Variants in PHACTR1 observed in about 807,000 individuals in gnomAD.
PHACTR1 encodes the protein phosphatase and actin regulator 1.
A neutral mutation model predicts 69.2 loss-of-function variants in PHACTR1; 16 were observed. The ratio of observed to expected loss-of-function variants is 0.23; its 90% CI spans 0.16 to 0.35. The LOEUF is 0.35. PHACTR1 is among the 10% of genes least tolerant of loss of function. The probability of loss-of-function intolerance (pLI) is 1.00; values close to 1 mark genes in which losing one functional copy is unlikely to be tolerated. For synonymous variants in PHACTR1, 312 were observed against 284.5 expected (o/e 1.10, Z -0.97); for missense variants, 510 against 734.7 (o/e 0.69, Z 3.54).
chr6:12,860,252 C>T (rs977777232), intron 4 of PHACTR1, among the ~76,000 whole-genome samples: 4 of 151,976 alleles, frequency 2.6e-5, no homozygotes, highest in Non-Finnish European at 4.4e-5. Context: ...TGTGGTGTTT[C>T]GTTTTCTGTT....
intron 4 of PHACTR1, among the ~76,000 whole-genome samples, chr6:12,839,088 C>A (rs149213566): frequency 6.6e-6 from 1 of 152,190 alleles, no homozygotes; most frequent in Admixed American, 6.5e-5. Flanking sequence ...AATGTAGAAA[C>A]GGCCTTAGAG....
intron 4 of PHACTR1, among the ~76,000 whole-genome samples, chr6:12,907,250 A>T (rs549734156): frequency 6.6e-6 from 1 of 152,224 alleles, no homozygotes; most frequent in Non-Finnish European, 1.5e-5. Flanking sequence ...TTACTAGTGC[A>T]TCAGAAAAAT....
chr6:12,951,831 G>A (rs750438437), intron 4 of PHACTR1, among the ~76,000 whole-genome samples: 3 of 152,134 alleles, frequency 2.0e-5, no homozygotes, highest in Non-Finnish European at 2.9e-5. Flanking sequence ...GTGAAAATAC[G>A]TATTTATTAT....
intron 4 of PHACTR1, among the ~76,000 whole-genome samples, chr6:12,979,681 G>A (rs763575751): frequency 2.0e-5 from 3 of 150,270 alleles, no homozygotes; most frequent in Non-Finnish European, 1.5e-5. Context: ...GTATGCGGAG[G>A]ACCTCCAATG....
At chr6:12,791,783 G>A (rs1425137108) in intron 4 of PHACTR1, among the ~76,000 whole-genome samples, 2 of 152,144 alleles carry the variant, frequency 1.3e-5, no homozygotes, top group Non-Finnish European at 2.9e-5. Flanking sequence ...GTGAATGCTT[G>A]CTGATCACCT....
In PHACTR1 at chr6:13,003,950, C is replaced by CATATATATATATATATATA. The variant is rs1562119669; in HGVS notation, c.251-49415_251-49414insATATATATATATATATATA. The stretch of plus-strand genomic sequence containing the variant: ...TCTTTTTTTATGGCTCAGTAGTATT[C>CATATATATATATATATATA]CTATATATATATATGTATATATATA... On this transcript the variant is annotated intron_variant, in intron 4 of 14. Transcript: ENST00000332995. Among the ~76,000 whole-genome samples the CATATATATATATATATATA allele has an allele frequency of 4.5e-4, 37 of 81,360 alleles. 1 individual carries two copies. Among genetic ancestry groups the CATATATATATATATATATA allele is most frequent in the Middle Eastern group, 6.8e-3 (1 of 148 alleles). 53.4% of individuals were successfully genotyped at this position (81,360 alleles called of 152,430 possible).
chr6:13,272,918 A>G lies in PHACTR1; in HGVS notation c.1447+3A>G. ...GGAACAGAGGAACATTTTGAAACGTAAGTGACTAAGCCCATGGCAATCCCT... is the reference window on the plus strand; with the variant it reads ...GGAACAGAGGAACATTTTGAAACGTGAGTGACTAAGCCCATGGCAATCCCT... On this transcript the variant is annotated splice_donor_region_variant and intron_variant, in intron 11 of 14. Transcript: ENST00000332995. 6.2e-7 allele frequency: 1 copy of G among 1,614,064 alleles called. No individual in the cohort carries two copies. Among genetic ancestry groups the G allele is most frequent in the Non-Finnish European group, 8.5e-7 (1 of 1,179,898 alleles).
intron 4 of PHACTR1, among the ~76,000 whole-genome samples, chr6:12,864,851 AG>A (rs1241253043): frequency 6.6e-6 from 1 of 152,164 alleles, no homozygotes; most frequent in Non-Finnish European, 1.5e-5. Flanking sequence ...TTTCTTCAGT[AG>A]CTTAAAGGAT....
intron 4 of PHACTR1, among the ~76,000 whole-genome samples, chr6:12,825,174 G>A (rs1370354920): frequency 6.6e-6 from 1 of 152,076 alleles, no homozygotes; most frequent in African/African-American, 2.4e-5. Context: ...TTAGCTGAGT[G>A]TGGTGGTGTG....
At chr6:13,122,687 A>G (rs1818918134) in intron 5 of PHACTR1, among the ~76,000 whole-genome samples, 1 of 152,204 alleles carries the variant, frequency 6.6e-6, no homozygotes, top group South Asian at 2.1e-4. Context: ...TTTTATTTTT[A>G]AAGAGAATTC....
chr6:13,213,490 G>A (rs530896420), intron 8 of PHACTR1, among the ~76,000 whole-genome samples: 1 of 152,140 alleles, frequency 6.6e-6, no homozygotes, highest in Non-Finnish European at 1.5e-5. Flanking sequence ...GTGTTTCTCT[G>A]TATATTCTCT....
intron 5 of PHACTR1, among the ~76,000 whole-genome samples, chr6:13,125,802 C>T (rs1008479028): frequency 2.6e-5 from 4 of 152,072 alleles, no homozygotes; most frequent in Non-Finnish European, 5.9e-5. Context: ...TGGTGGTGCA[C>T]ACCTATAGTC....
chr6:12,887,796 C>G (rs967715057), intron 4 of PHACTR1, among the ~76,000 whole-genome samples: 4 of 151,960 alleles, frequency 2.6e-5, no homozygotes, highest in Non-Finnish European at 4.4e-5. Flanking sequence ...TGGCCAGGCA[C>G]GGTGTCTCAC....
intron 4 of PHACTR1, among the ~76,000 whole-genome samples, chr6:12,851,029 C>T (rs907018121): frequency 1.5e-4 from 23 of 152,140 alleles, no homozygotes; most frequent in African/African-American, 5.6e-4. Context: ...TTTTCATACA[C>T]CTATGTAGTA....
At chr6:13,281,303 C>CAA in intron 12 of PHACTR1, 1 of 372,230 alleles carries the variant, frequency 2.7e-6, no homozygotes, top group Non-Finnish European at 5.1e-6. Context: ...TCTGTAATCC[C>CAA]AGCACTTTGG....
chr6:13,102,164 C>T (rs918046675), intron 5 of PHACTR1, among the ~76,000 whole-genome samples: 11 of 152,184 alleles, frequency 7.2e-5, no homozygotes, highest in African/African-American at 2.4e-4. Context: ...TCCCAGAGGG[C>T]AAAGGAGTTG....
intron 4 of PHACTR1, among the ~76,000 whole-genome samples, chr6:12,914,562 C>T (rs977532023): frequency 2.0e-5 from 3 of 152,110 alleles, no homozygotes; most frequent in Non-Finnish European, 4.4e-5. Context: ...GCCTGGAGGT[C>T]CTACACACAC....
chr6:12,849,450 T>C (rs1779617296), intron 4 of PHACTR1, among the ~76,000 whole-genome samples: 1 of 152,088 alleles, frequency 6.6e-6, no homozygotes, highest in African/African-American at 2.4e-5. Context: ...CAGGCCGAAC[T>C]CTTTGGAGAC....
At chr6:12,781,114 T>G (rs1169605999) in intron 4 of PHACTR1, among the ~76,000 whole-genome samples, 2 of 152,246 alleles carry the variant, frequency 1.3e-5, no homozygotes, top group Non-Finnish European at 2.9e-5. Context: ...CTCCCCACTC[T>G]GGTCCTATGG....
Sources: allele counts gnomAD v4.1 joint callset (sites outside exome capture counted in the v4.1 genomes callset), GRCh38; gene constraint gnomAD v4.1.1; transcripts MANE v1.5; gene names NCBI Gene and HGNC (gene_info 2026-07-23, HGNC 2026-07-21).